Variants in TXNRD2 observed in about 807,000 individuals in gnomAD.
TXNRD2 encodes the protein thioredoxin reductase 2, mitochondrial.
Under a neutral mutation model 70.8 loss-of-function variants are expected in TXNRD2, and 67 were observed. The ratio of observed to expected loss-of-function variants is 0.95; its 90% confidence interval spans 0.78 to 1.16. TXNRD2 has a LOEUF of 1.16. Among genes scored for constraint, TXNRD2 ranks in the 50% most tolerant of loss-of-function variants. TXNRD2 has a pLI of 0.00. For synonymous variants in TXNRD2, 301 were observed against 295.8 expected (o/e 1.02, Z -0.18); for missense variants, 644 against 719.9 (o/e 0.89, Z 1.21).
intron 8 of TXNRD2, among the ~76,000 whole-genome samples, chr22:19,907,025 A>G (rs1396863100): frequency 6.5e-4 from 19 of 29,408 alleles, no homozygotes; most frequent in East Asian, 1.0e-3. Context: ...GGCGCACCGT[A>G]AGTAGCAGTG....
intron 8 of TXNRD2, among the ~76,000 whole-genome samples, chr22:19,909,874 T>TCACACACACAACCACACACACCCTACCCA (rs1295818653): frequency 7.4e-5 from 3 of 40,586 alleles, no homozygotes; most frequent in African/African-American, 2.6e-4. Flanking sequence ...CACACACCAC[T>TCACACACACAACCACACACACCCTACCCA]CACACACACC....
chr22:19,897,654 G>A, intron 10 of TXNRD2, among the ~76,000 whole-genome samples: 1 of 152,178 alleles, frequency 6.6e-6, no homozygotes, highest in Non-Finnish European at 1.5e-5. Context: ...CACTCCCTCA[G>A]AGGGGACAGG....
intron 8 of TXNRD2, among the ~76,000 whole-genome samples, chr22:19,905,704 G>C (rs1241837347): frequency 6.6e-6 from 1 of 152,116 alleles, no homozygotes. Context: ...GCAGGGGCTG[G>C]AGGGGCATCC....
chr22:19,920,763 A>G (rs542507926), intron 2 of TXNRD2, among the ~76,000 whole-genome samples: 40 of 152,368 alleles, frequency 2.6e-4, no homozygotes, highest in African/African-American at 9.1e-4. Context: ...CGTGGCTATT[A>G]GAAAGCAAGA....
At chr22:19,924,425 T>G (rs1941041430) in intron 2 of TXNRD2, among the ~76,000 whole-genome samples, 1 of 152,152 alleles carries the variant, frequency 6.6e-6, no homozygotes, top group Non-Finnish European at 1.5e-5. Flanking sequence ...CCTTTCACAC[T>G]GAAGCAGAAG....
intron 8 of TXNRD2, among the ~76,000 whole-genome samples, chr22:19,901,918 G>T (rs1249684377): frequency 1.3e-5 from 2 of 152,204 alleles, no homozygotes; most frequent in Non-Finnish European, 2.9e-5. Flanking sequence ...AGACCCAGAG[G>T]TTGGGTGCGG....
intron 8 of TXNRD2, chr22:19,902,908 G>A (rs5748464): frequency 1.9e-6 from 1 of 517,740 alleles, no homozygotes; most frequent in East Asian, 5.4e-5. Flanking sequence ...TTGTGCTTAG[G>A]AAGAGAGAAA....
intron 1 of TXNRD2, among the ~76,000 whole-genome samples, chr22:19,934,694 C>G (rs1321927083): frequency 4.0e-5 from 6 of 151,862 alleles, no homozygotes; most frequent in Non-Finnish European, 8.8e-5. Flanking sequence ...TCCTGAGTAG[C>G]TGGGACTACA....
intron 11 of TXNRD2, chr22:19,883,847 G>A: frequency 4.2e-6 from 1 of 239,960 alleles, no homozygotes; most frequent in East Asian, 1.1e-4. Flanking sequence ...CAGCTACTCG[G>A]GAGGTTGAAT....
At chr22:19,878,506 C>G in intron 14 of TXNRD2, 69 bp from the exon 15 acceptor site, 4 of 1,379,222 alleles carry the variant, frequency 2.9e-6, no homozygotes, top group Non-Finnish European at 4.1e-6. Flanking sequence ...GCAGCTCCCA[C>G]AGGCTGCATG....
intron 11 of TXNRD2, among the ~76,000 whole-genome samples, chr22:19,889,051 C>T (rs977947409): frequency 2.0e-5 from 3 of 152,022 alleles, no homozygotes; most frequent in Non-Finnish European, 4.4e-5. Context: ...TCAATGGGAC[C>T]TGATTGGCCA....
intron 9 of TXNRD2, among the ~76,000 whole-genome samples, chr22:19,898,510 C>CTTTTTTTTT (rs386394954): frequency 4.2e-5 from 4 of 94,388 alleles, no homozygotes; most frequent in Non-Finnish European, 5.9e-5. Context: ...CGGCTTGGGG[C>CTTTTTTTTT]TTTTTTTTTT....
intron 1 of TXNRD2, among the ~76,000 whole-genome samples, chr22:19,939,176 G>A (rs530359452): frequency 4.6e-4 from 67 of 147,156 alleles, no homozygotes; most frequent in Admixed American, 1.1e-3. Context: ...AGAGACGTTC[G>A]CGTCAGAGAC....
At chr22:19,907,930 A>T (rs1189405774) in intron 8 of TXNRD2, among the ~76,000 whole-genome samples, 3 of 47,498 alleles carry the variant, frequency 6.3e-5, no homozygotes, top group South Asian at 1.6e-3. Context: ...TGGGCACACC[A>T]TGGGTAGCAG....
At chr22:19,908,458 G>A (rs574873723) in intron 8 of TXNRD2, among the ~76,000 whole-genome samples, 1 of 152,154 alleles carries the variant, frequency 6.6e-6, no homozygotes, top group East Asian at 1.9e-4. Context: ...ACAGTTTAAA[G>A]GAAAAAATAA....
intron 4 of TXNRD2, 83 bp from the exon 5 acceptor site, chr22:19,918,300 G>T: frequency 8.3e-7 from 1 of 1,204,054 alleles, no homozygotes; most frequent in Non-Finnish European, 1.2e-6. Flanking sequence ...AGATTCAAAT[G>T]GTACATTCAT....
chr22:19,920,991 C>CA (rs539229389), intron 2 of TXNRD2, among the ~76,000 whole-genome samples: 130 of 151,890 alleles, frequency 8.6e-4, no homozygotes, highest in Non-Finnish European at 1.6e-3. Context: ...CCTATAGTCC[C>CA]AGTTACTCGG....
intron 8 of TXNRD2, among the ~76,000 whole-genome samples, chr22:19,910,354 T>A (rs1250858016): frequency 2.0e-5 from 3 of 152,206 alleles, no homozygotes; most frequent in Non-Finnish European, 4.4e-5. Flanking sequence ...AAACCCAATG[T>A]ACAAATCAGA....
rs574389555 is a variant in TXNRD2, at chr22:19,915,785, C to T, written c.508G>A (p.Val170Ile). The change falls in exon 6 of 18, where the codon GTT (valine) becomes ATT (isoleucine). Residue 170 changes from valine to isoleucine, a missense_variant. Val to Ile is a conservative substitution (Grantham distance 29). This residue lies in a region of TXNRD2 where 566 missense variants were observed against 645.0 expected (regional missense o/e 0.88). Coordinates refer to ENST00000400521, the MANE Select transcript of TXNRD2 (RefSeq NM_006440.5). ...SFVDEHTVCG[V>I]AKGGKEILLS... Reference sequence around the variant, plus strand: ...CTCACCTCTTTCCCACCTTTGGCAACGCCGCAAACCGTGTGCTCGTCAACA... The same window carrying T: ...CTCACCTCTTTCCCACCTTTGGCAATGCCGCAAACCGTGTGCTCGTCAACA... 20 of 1,614,126 alleles carry T rather than the reference C, an allele frequency of 1.2e-5. No homozygotes were observed. The highest frequency in any genetic ancestry group is 1.5e-5 in the Non-Finnish European group (18 of 1,180,056).
Sources: gnomAD v4.1 joint callset for allele counts (sites outside exome capture counted in the v4.1 genomes callset) on GRCh38, gnomAD v4.1.1 for gene constraint, gnomAD v4.1.1 regional missense constraint, MANE v1.5 for transcripts, NCBI Gene and HGNC (gene_info 2026-07-23, HGNC 2026-07-21) for gene names.